UBE3D: variants seen among roughly 807,000 people sequenced by gnomAD.
The protein encoded by UBE3D is E3 ubiquitin-protein ligase E3D.
A neutral mutation model predicts 49.6 loss-of-function variants in UBE3D; 48 were observed. The ratio of observed to expected loss-of-function variants is 0.97; its 90% CI spans 0.77 to 1.23. The LOEUF (loss-of-function observed/expected upper bound fraction) is 1.23. Ranked by LOEUF, UBE3D falls within the 50% of genes most tolerant of loss-of-function variation. The pLI, the probability that UBE3D is intolerant of heterozygous loss-of-function variation, is 0.00. For missense variants in UBE3D, 452 were observed against 468.4 expected, an observed-to-expected ratio of 0.96 and a Z score of 0.32; for synonymous variants, 189 against 174.2, an observed-to-expected ratio of 1.08 and a Z score of -0.67.
intron 2 of UBE3D, among the ~76,000 whole-genome samples, chr6:83,054,520 G>C (rs2127843334): frequency 6.6e-6 from 1 of 152,282 alleles, no homozygotes; most frequent in African/African-American, 2.4e-5. Flanking sequence ...CCAACATTAA[G>C]GATGAGTGAA....
chr6:82,973,382 T>C (rs976796175), intron 8 of UBE3D, among the ~76,000 whole-genome samples: 3 of 152,200 alleles, frequency 2.0e-5, no homozygotes, highest in African/African-American at 7.2e-5. Flanking sequence ...ACTCCAGTTT[T>C]ATTCACAGAC....
At chr6:82,893,233 C>T (rs945606070) in intron 9 of UBE3D, among the ~76,000 whole-genome samples, 191 bp from the exon 10 acceptor site, 1 of 151,814 alleles carries the variant, frequency 6.6e-6, no homozygotes, top group South Asian at 2.1e-4. Flanking sequence ...TTTAATGAAC[C>T]ATATAGTAAT....
At chr6:83,000,747 C>T (rs1779567842) in intron 8 of UBE3D, among the ~76,000 whole-genome samples, 1 of 152,140 alleles carries the variant, frequency 6.6e-6, no homozygotes, top group African/African-American at 2.4e-5. Flanking sequence ...CCTGACCTTC[C>T]CATCCCTTGT....
chr6:82,936,964 C>T (rs1397098897), intron 9 of UBE3D, among the ~76,000 whole-genome samples: 1 of 152,166 alleles, frequency 6.6e-6, no homozygotes, highest in African/African-American at 2.4e-5. Flanking sequence ...TCCAGTCACG[C>T]TGGTTGCTGG....
downstream of UBE3D, among the ~76,000 whole-genome samples, chr6:82,889,427 A>G (rs947662135): frequency 6.6e-6 from 1 of 152,192 alleles, no homozygotes; most frequent in Non-Finnish European, 1.5e-5. Context: ...TCTGGTATCT[A>G]TGGAATCAAA....
chr6:83,038,305 T>C, intron 5 of UBE3D, 111 bp downstream of exon 5: 1 of 872,510 alleles, frequency 1.1e-6, no homozygotes, highest in Non-Finnish European at 1.8e-6. Flanking sequence ...AAAGCACCAA[T>C]TCCACAACAT....
intron 9 of UBE3D, among the ~76,000 whole-genome samples, chr6:82,895,211 T>G (rs1771227756): frequency 6.6e-6 from 1 of 152,122 alleles, no homozygotes; most frequent in African/African-American, 2.4e-5. Context: ...CTTGGGAGGC[T>G]GAGGCATGAG....
intron 3 of UBE3D, among the ~76,000 whole-genome samples, chr6:83,046,606 C>A (rs1244871682): frequency 7.9e-6 from 1 of 126,268 alleles, no homozygotes; most frequent in Non-Finnish European, 1.6e-5. Flanking sequence ...GACCTACAAA[C>A]AAATAACAAA....
intron 8 of UBE3D, among the ~76,000 whole-genome samples, chr6:82,975,692 T>C (rs1014869977): frequency 6.6e-6 from 1 of 152,164 alleles, no homozygotes; most frequent in Non-Finnish European, 1.5e-5. Flanking sequence ...GTAAACTCAA[T>C]TGTTATTTAA....
At chr6:82,883,940 C>G in the UBE3D span, among the ~76,000 whole-genome samples, 23 of 152,094 alleles carry the variant, frequency 1.5e-4, no homozygotes, top group African/African-American at 5.3e-4. Flanking sequence ...TGTGCAGGAC[C>G]AAGAGAACTT....
chr6:83,055,966 T>G (rs1041198292), intron 2 of UBE3D, among the ~76,000 whole-genome samples: 2 of 152,234 alleles, frequency 1.3e-5, no homozygotes, highest in Non-Finnish European at 2.9e-5. Context: ...CTGAGGAATC[T>G]GTTTTGCATA....
intron 9 of UBE3D, among the ~76,000 whole-genome samples, chr6:82,931,439 A>G (rs1774144006): frequency 6.6e-6 from 1 of 152,200 alleles, no homozygotes; most frequent in Non-Finnish European, 1.5e-5. Context: ...TGCACCTGGA[A>G]AAGCCACAGA....
chr6:82,925,759 T>C (rs757292031), intron 9 of UBE3D, among the ~76,000 whole-genome samples: 10 of 152,092 alleles, frequency 6.6e-5, no homozygotes, highest in Non-Finnish European at 1.3e-4. Flanking sequence ...CCCTGACCAA[T>C]AGGGGGAATG....
At chr6:83,044,233 C>T (rs73481058) in intron 4 of UBE3D, among the ~76,000 whole-genome samples, 195 bp downstream of exon 4, 2,752 of 152,246 alleles carry the variant, frequency 0.018, 105 homozygotes, top group African/African-American at 0.063. Flanking sequence ...TTCTTCCAGG[C>T]GCCTGTGGCT....
intron 4 of UBE3D, among the ~76,000 whole-genome samples, chr6:83,043,904 T>C (rs571713851): frequency 6.6e-6 from 1 of 152,310 alleles, no homozygotes; most frequent in South Asian, 2.1e-4. Context: ...GACCTCACAC[T>C]GTCAAGCACC....
chr6:82,954,280 C>G (rs1374613058), intron 9 of UBE3D, among the ~76,000 whole-genome samples: 2 of 152,154 alleles, frequency 1.3e-5, no homozygotes, highest in African/African-American at 4.8e-5. Flanking sequence ...GAATCTCAAT[C>G]AAATCCTACA....
At chr6:82,943,890 T>A (rs544308557) in intron 9 of UBE3D, among the ~76,000 whole-genome samples, 3 of 152,142 alleles carry the variant, frequency 2.0e-5, no homozygotes, top group Admixed American at 6.6e-5. Context: ...CAAAACCAAG[T>A]GGAACTCAGC....
intron 9 of UBE3D, among the ~76,000 whole-genome samples, chr6:82,895,092 GC>G (rs1343694290): frequency 5.3e-5 from 8 of 152,106 alleles, no homozygotes; most frequent in Non-Finnish European, 1.2e-4. Context: ...CAGGCAGATG[GC>G]TTGAGGTTAG....
intron 9 of UBE3D, among the ~76,000 whole-genome samples, chr6:82,934,513 A>G (rs1774408984): frequency 6.6e-6 from 1 of 152,178 alleles, no homozygotes; most frequent in South Asian, 2.1e-4. Flanking sequence ...AGAGAAATAG[A>G]AAAACACAGA....
Sources: gnomAD v4.1 joint callset for allele counts (sites outside exome capture counted in the v4.1 genomes callset) on GRCh38, gnomAD v4.1.1 for gene constraint, MANE v1.5 for transcripts, NCBI Gene and HGNC (gene_info 2026-07-23, HGNC 2026-07-21) for gene names.